Variants in PTPRT observed in about 807,000 individuals in gnomAD.
PTPRT encodes the protein protein tyrosine phosphatase receptor type T, also known as receptor-type tyrosine-protein phosphatase T.
A neutral mutation model predicts 176.8 loss-of-function variants in PTPRT; 56 were observed. The observed-to-expected ratio is 0.32, with a 90% CI of 0.26 to 0.40. PTPRT has a LOEUF of 0.40. Ranked by LOEUF, PTPRT falls within the 10% of genes least tolerant of loss-of-function variation. The pLI is 1.00. For missense variants in PTPRT, 1,540 were observed against 1,908.2 expected (o/e 0.81, Z 3.60); for synonymous variants, 783 against 739.0 (o/e 1.06, Z -0.96).
rs375114366 is a variant in PTPRT at position 42,684,151 on chromosome 20, G to A, written c.860-5992C>T. ...GAGGATCACTTGAGGTCAGGAGTTTGAGACCAGCCTGACCAACATGGTGAA... is the reference window on the plus strand; with the variant it reads ...GAGGATCACTTGAGGTCAGGAGTTTAAGACCAGCCTGACCAACATGGTGAA... On this transcript the variant is annotated intron_variant, in intron 6 of 30. Coordinates refer to ENST00000373187, the MANE Select transcript of PTPRT (RefSeq NM_007050.6). 2.7e-4 allele frequency among the ~76,000 whole-genome samples: 41 copies of A among 152,248 alleles called. 1 individual carries two copies. In the East Asian group the frequency reaches 3.5e-3, roughly 13 times the overall value.
intron 1 of PTPRT, among the ~76,000 whole-genome samples, chr20:43,122,359 G>A (rs1441092481): frequency 6.6e-6 from 1 of 152,192 alleles, no homozygotes; most frequent in Non-Finnish European, 1.5e-5. Flanking sequence ...ATGCCGCTGT[G>A]ACAGCTGTCA....
chr20:42,211,384 C>T (rs1402843749), intron 15 of PTPRT, among the ~76,000 whole-genome samples: 7 of 150,600 alleles, frequency 4.6e-5, no homozygotes, highest in Admixed American at 6.6e-5. Flanking sequence ...AGAAAATTTT[C>T]GCAACCTACT....
At chr20:42,189,958 C>T (rs1201596790) in intron 16 of PTPRT, among the ~76,000 whole-genome samples, 1 of 152,204 alleles carries the variant, frequency 6.6e-6, no homozygotes, top group Non-Finnish European at 1.5e-5. Context: ...TTTCTCAAGG[C>T]TGCCTAAATT....
intron 1 of PTPRT, among the ~76,000 whole-genome samples, chr20:43,020,072 C>CTA (rs1344112314): frequency 1.3e-4 from 19 of 146,660 alleles, no homozygotes; most frequent in African/African-American, 4.9e-4. Flanking sequence ...CCCTCTCTTT[C>CTA]TATATATATG....
chr20:42,315,636 C>T, intron 12 of PTPRT, 87 bp downstream of exon 12: 7 of 1,471,748 alleles, frequency 4.8e-6, no homozygotes, highest in Non-Finnish European at 6.4e-6. Context: ...GTTTTTCATC[C>T]TCTGCTCTAG....
chr20:42,682,367 G>A (rs868195608), intron 6 of PTPRT, among the ~76,000 whole-genome samples: 1 of 152,160 alleles, frequency 6.6e-6, no homozygotes, highest in Middle Eastern at 3.2e-3. Context: ...AAAATTGGGA[G>A]AAAATGAGCC....
chr20:42,475,720 G>A (rs556437739), intron 7 of PTPRT, among the ~76,000 whole-genome samples: 1 of 152,330 alleles, frequency 6.6e-6, no homozygotes, highest in East Asian at 1.9e-4. Flanking sequence ...GTGCAAAGCT[G>A]ACCGCTGGCC....
At chr20:42,683,271 T>TTTTTTGTTTTG (rs1555898538) in intron 6 of PTPRT, among the ~76,000 whole-genome samples, 67 of 149,394 alleles carry the variant, frequency 4.5e-4, no homozygotes, top group African/African-American at 1.6e-3. Flanking sequence ...TTACTTGTTT[T>TTTTTTGTTTTG]TTTTGTTTTG....
rs918048940 is a variant in PTPRT at position 42,513,896 on chromosome 20, G to A, written c.1154-41334C>T. Among the ~76,000 whole-genome samples, 10 of 152,056 alleles carry A rather than the reference G, an allele frequency of 6.6e-5. No homozygotes were observed. The South Asian group carries it at 1.9e-3, about 28-fold the overall frequency. On this transcript the variant is annotated intron_variant, in intron 7 of 30. Transcript: ENST00000373187. ...AATGGAATCATAGTGAATGCATTCC[G>A]CTCTAATATTCATTTTTCTCTGAAC...
chr20:43,084,669 GTTC>G (rs1256137356), intron 1 of PTPRT, among the ~76,000 whole-genome samples: 25 of 152,074 alleles, frequency 1.6e-4, no homozygotes, highest in Admixed American at 1.1e-3. Flanking sequence ...GTTTGTTATT[GTTC>G]TTCTTGTTGT....
At chr20:42,903,995 T>C (rs989952195) in intron 1 of PTPRT, among the ~76,000 whole-genome samples, 7 of 152,144 alleles carry the variant, frequency 4.6e-5, no homozygotes, top group African/African-American at 1.7e-4. Context: ...TTACAGGAAG[T>C]GGTCTTTGAT....
intron 13 of PTPRT, among the ~76,000 whole-genome samples, chr20:42,262,725 A>G (rs2056770276): frequency 1.3e-5 from 2 of 152,144 alleles, no homozygotes; most frequent in Non-Finnish European, 2.9e-5. Flanking sequence ...ATGGGGTCAA[A>G]TGAATGAGCA....
intron 5 of PTPRT, among the ~76,000 whole-genome samples, chr20:42,761,868 A>T (rs1256359736): frequency 6.6e-6 from 1 of 152,216 alleles, no homozygotes; most frequent in Non-Finnish European, 1.5e-5. Context: ...ATCTGATACC[A>T]GACACTGAGA....
chr20:42,487,967 T>C (rs2071492329), intron 7 of PTPRT, among the ~76,000 whole-genome samples: 1 of 152,242 alleles, frequency 6.6e-6, no homozygotes, highest in Non-Finnish European at 1.5e-5. Flanking sequence ...ATGTAATTGT[T>C]TACTATGCAT....
chr20:42,755,702 A>T (rs558955445), intron 6 of PTPRT, among the ~76,000 whole-genome samples: 1 of 152,338 alleles, frequency 6.6e-6, no homozygotes, highest in Non-Finnish European at 1.5e-5. Context: ...ATAGAATAAA[A>T]TGTTCTCTCC....
At chr20:42,135,657 GGGATAC>G (rs1354803371) in intron 18 of PTPRT, among the ~76,000 whole-genome samples, 1 of 152,158 alleles carries the variant, frequency 6.6e-6, no homozygotes, top group Non-Finnish European at 1.5e-5. Context: ...GCCAGGTGGT[GGGATAC>G]GGAAATTTAG....
At chr20:42,921,515 C>CT (rs1979143135) in intron 1 of PTPRT, among the ~76,000 whole-genome samples, 1 of 152,170 alleles carries the variant, frequency 6.6e-6, no homozygotes, top group African/African-American at 2.4e-5. Flanking sequence ...AGCCCAGTAA[C>CT]TGGAGGCTGC....
chr20:42,236,298 A>C, intron 14 of PTPRT, 40 bp from the exon 15 acceptor site: 1 of 1,476,908 alleles, frequency 6.8e-7, no homozygotes, highest in Non-Finnish European at 9.4e-7. Flanking sequence ...AAATGTCCAA[A>C]ATGGGGGAAA....
chr20:42,960,378 G>A (rs1262658509), intron 1 of PTPRT, among the ~76,000 whole-genome samples: 2 of 152,082 alleles, frequency 1.3e-5, no homozygotes, highest in Non-Finnish European at 2.9e-5. Context: ...AAGGGGAGCT[G>A]GAGGACCTAA....
Sources: allele counts gnomAD v4.1 joint callset (sites outside exome capture counted in the v4.1 genomes callset), GRCh38; gene constraint gnomAD v4.1.1; transcripts MANE v1.5; gene names NCBI Gene and HGNC (gene_info 2026-07-23, HGNC 2026-07-21).